The following TRPC3 variants were observed in gnomAD, a reference collection of about 807,000 sequenced individuals.
TRPC3 encodes transient receptor potential cation channel subfamily C member 3, also known as short transient receptor potential channel 3.
TRPC3 carries 54 observed loss-of-function variants against 90.9 expected under a neutral mutation model. The ratio of observed to expected loss-of-function variants is 0.59; its 90% CI spans 0.48 to 0.75. The LOEUF is 0.75. TRPC3 is among the 30% of genes least tolerant of loss of function. The pLI is 0.00. For missense variants in TRPC3, 918 were observed against 1,194.5 expected (o/e 0.77, Z 3.41); for synonymous variants, 424 against 450.9 (o/e 0.94, Z 0.75).
chr4:121,941,969 T>C (rs1294211803), intron 1 of TRPC3, among the ~76,000 whole-genome samples: 1 of 152,086 alleles, frequency 6.6e-6, no homozygotes, highest in Non-Finnish European at 1.5e-5. Flanking sequence ...TCCACAAGTA[T>C]CTCATACCTA....
intron 10 of TRPC3, among the ~76,000 whole-genome samples, chr4:121,893,420 T>C (rs189250425): frequency 4.6e-5 from 7 of 152,270 alleles, no homozygotes; most frequent in Admixed American, 4.6e-4. Flanking sequence ...AAAGATAGAT[T>C]ATTCAACACA....
Position 121,932,514 on chromosome 4 carries a change from C to A in TRPC3, c.744G>T (p.Val248=). ...CACCCTTCATCAGCAGCATGTGCAC[C>A]ACTTCGTATTTCTGGCAGTGCGCCG... The part of the protein sequence containing the change: ...ILAAHCQKYE[V]VHMLLMKGAR... Residue 248 remains valine, a synonymous_variant, in exon 2 of 12, where the codon GTG becomes GTT. Coordinates refer to ENST00000379645, the MANE Select transcript of TRPC3 (RefSeq NM_001130698.2). This position sits in a 1 kb window ranked among gnomAD's most constrained non-coding sequence, Gnocchi z 7.7. The A allele has an allele frequency of 1.2e-6, 2 of 1,614,222 alleles. No homozygotes were observed. The highest frequency in any genetic ancestry group is 1.7e-6 in the Non-Finnish European group (2 of 1,180,050).
At chr4:121,917,049 GCCTATGGTA>G (rs1156524630) in intron 3 of TRPC3, among the ~76,000 whole-genome samples, 5 of 152,070 alleles carry the variant, frequency 3.3e-5, no homozygotes, top group African/African-American at 1.2e-4. Context: ...AAACCACCCA[GCCTATGGTA>G]CTTAGTTACA....
rs201276336 is a variant in TRPC3, at chr4:121,912,113, A to G, written c.1342-20T>C. 64 of 1,607,784 alleles carry G rather than the reference A, an allele frequency of 4.0e-5. No individual in the cohort carries two copies. The highest frequency in any genetic ancestry group is 5.2e-5 in the Non-Finnish European group (61 of 1,176,492). On this transcript the variant is annotated intron_variant, in intron 4 of 11. Coordinates refer to ENST00000379645, the MANE Select transcript of TRPC3 (RefSeq NM_001130698.2). ...CCCCAGCTGTAACAAACCAAAGAGG[A>G]AAAGTTTGCTTCAGAAAATCTGGCT...
At chr4:121,922,472 C>T (rs1729555644) in intron 3 of TRPC3, among the ~76,000 whole-genome samples, 1 of 152,172 alleles carries the variant, frequency 6.6e-6, no homozygotes, top group Admixed American at 6.5e-5. Context: ...CCTTACAGTT[C>T]TAACTTTTTT....
chr4:121,903,372 C>T (rs1302438592), intron 8 of TRPC3, among the ~76,000 whole-genome samples: 2 of 152,018 alleles, frequency 1.3e-5, no homozygotes, highest in African/African-American at 4.8e-5. Flanking sequence ...TTAATTCCTC[C>T]CTCTGTCCCC....
chr4:121,888,306 G>A (rs1578598769), intron 10 of TRPC3, among the ~76,000 whole-genome samples: 1 of 152,284 alleles, frequency 6.6e-6, no homozygotes, highest in Non-Finnish European at 1.5e-5. Context: ...ATGGCTACAT[G>A]TTTGTTGAAG....
rs368481501 is a variant in TRPC3 at position 121,907,980 on chromosome 4, A to G, written c.1793-413T>C. Among the ~76,000 whole-genome samples, 69 of 152,260 alleles carry G rather than the reference A, an allele frequency of 4.5e-4. No homozygotes were observed. In the South Asian group the frequency reaches 0.014, roughly 31 times the overall value. The stretch of plus-strand genomic sequence containing the variant: ...ACAGCCGGAGTGTAACTTCTTTTCC[A>G]TATCTTGTGGGAAAATTAGTTCATC... On this transcript the variant is annotated intron_variant, in intron 6 of 11. Coordinates refer to ENST00000379645, the MANE Select transcript of TRPC3 (RefSeq NM_001130698.2).
At chr4:121,899,779 C>CTCTATGTG in intron 9 of TRPC3, 84 bp from the exon 10 acceptor site, 2 of 1,076,920 alleles carry the variant, frequency 1.9e-6, no homozygotes, top group South Asian at 1.4e-5. Flanking sequence ...TCCTTGATAA[C>CTCTATGTG]ATTTCTGGAG....
At position 121,932,975 on chromosome 4, in the gene TRPC3, C is replaced by G; in HGVS notation, c.283G>C (p.Val95Leu). 6.2e-7 allele frequency: 1 copy of G among 1,611,234 alleles called. No homozygotes were observed. The highest frequency in any genetic ancestry group is 8.5e-7 in the Non-Finnish European group (1 of 1,178,262). ...VMREKGRRQA[V>L]RGPAFMFNDR... ...TTGAACATGAAGGCCGGGCCCCTGA[C>G]AGCCTGGCGCCGGCCCTTCTCCCGC... The change falls in exon 2 of 12, where the codon GTC becomes CTC. Residue 95 changes from valine (V) to leucine (L), a missense_variant. Val to Leu is a conservative substitution (Grantham distance 32). Around this residue, in one of 4 missense-constraint regions of TRPC3, gnomAD observed 609 missense variants for 725.9 expected, o/e 0.84. Transcript: ENST00000379645. The surrounding 1 kb of genome is among the most constrained non-coding windows in gnomAD (Gnocchi z 7.7).
intron 11 of TRPC3, among the ~76,000 whole-genome samples, chr4:121,881,086 C>T (rs1727925203): frequency 6.6e-6 from 1 of 152,196 alleles, no homozygotes; most frequent in East Asian, 1.9e-4. Flanking sequence ...CCGCAGGAGA[C>T]CCCCTGCCCT....
intron 3 of TRPC3, among the ~76,000 whole-genome samples, chr4:121,917,758 T>C (rs999543990): frequency 6.6e-6 from 1 of 152,234 alleles, no homozygotes; most frequent in Non-Finnish European, 1.5e-5. Context: ...GCATCCCTGG[T>C]GGCTGCAGCC....
At chr4:121,894,570 T>TTTG (rs1728450675) in intron 10 of TRPC3, among the ~76,000 whole-genome samples, 1 of 139,108 alleles carries the variant, frequency 7.2e-6, no homozygotes, top group Non-Finnish European at 1.6e-5. Context: ...TTTTTTTTTT[T>TTTG]TTTTTTTTTT....
intron 9 of TRPC3, among the ~76,000 whole-genome samples, chr4:121,900,627 A>C (rs1728668937): frequency 6.6e-6 from 1 of 152,190 alleles, no homozygotes. Context: ...GTTAGCTGGA[A>C]AGATTTCTTG....
At position 121,877,057 on chromosome 4, in the gene TRPC3, T is replaced by C. The variant is rs1377846186; in HGVS notation, c.*2679A>G. Among the ~76,000 whole-genome samples the C allele has an allele frequency of 1.3e-5, 2 of 152,198 alleles. No homozygotes were observed. Among genetic ancestry groups the C allele is most frequent in the Non-Finnish European group, 2.9e-5 (2 of 68,034 alleles). On this transcript the variant is annotated 3_prime_UTR_variant, in exon 12 of 12. Transcript: ENST00000379645. ...CCAACAACTTCTTTGAGGTTTGTTTTCCCAAAGGTACCTGTTAAAAGTGAC... is the reference window on the plus strand; with the variant it reads ...CCAACAACTTCTTTGAGGTTTGTTTCCCCAAAGGTACCTGTTAAAAGTGAC...
Position 121,878,571 on chromosome 4 carries a change from C to G in TRPC3, c.*1165G>C, listed in dbSNP as rs1205796982. On this transcript the variant is annotated 3_prime_UTR_variant, in exon 12 of 12. Transcript: ENST00000379645. The stretch of plus-strand genomic sequence containing the variant: ...GAACTTACTGGTCTGCATGCCTTTT[C>G]CCATTAAAGTCAAGAGGCATTGCGG... Among the ~76,000 whole-genome samples the G allele has an allele frequency of 6.6e-6, 1 of 152,140 alleles. No homozygotes were observed. The highest frequency in any genetic ancestry group is 1.5e-5 in the Non-Finnish European group (1 of 68,024).
intron 1 of TRPC3, among the ~76,000 whole-genome samples, chr4:121,937,787 G>T (rs1231188572): frequency 6.6e-6 from 1 of 152,064 alleles, no homozygotes; most frequent in Admixed American, 6.6e-5. Context: ...CTCTTAGGGG[G>T]ACTGCTCAAT....
chr4:121,915,509 T>C (rs1729277903), intron 3 of TRPC3, among the ~76,000 whole-genome samples: 2 of 152,242 alleles, frequency 1.3e-5, no homozygotes, highest in African/African-American at 4.8e-5. Context: ...AGTATTATGC[T>C]GGGTCTACAC....
At chr4:121,927,634 C>T (rs4631074) in intron 2 of TRPC3, among the ~76,000 whole-genome samples, 2 of 152,040 alleles carry the variant, frequency 1.3e-5, no homozygotes, top group African/African-American at 4.8e-5. Flanking sequence ...AGCAAAACCA[C>T]GTCATCAGCT....
Sources: allele counts gnomAD v4.1 joint callset (sites outside exome capture counted in the v4.1 genomes callset), GRCh38; gene constraint gnomAD v4.1.1; regional missense constraint gnomAD v4.1.1; non-coding constraint Gnocchi (gnomAD v3.1); transcripts MANE v1.5; gene names NCBI Gene and HGNC (gene_info 2026-07-23, HGNC 2026-07-21).